Variants in BRD1 observed in about 807,000 individuals in gnomAD.
BRD1 encodes bromodomain containing 1.
Under a neutral mutation model 107.7 loss-of-function variants are expected in BRD1, and 24 were observed. The observed-to-expected ratio is 0.22, with a 90% CI of 0.16 to 0.31. The LOEUF (loss-of-function observed/expected upper bound fraction) is 0.31. Among genes scored for constraint, BRD1 ranks in the 10% least tolerant of loss-of-function variants. The pLI is 1.00. For synonymous variants in BRD1, 744 were observed against 686.1 expected (o/e 1.08, Z -1.32); for missense variants, 1,279 against 1,638.6 (o/e 0.78, Z 3.79).
At chr22:49,814,219 G>A (rs1025778453) in intron 2 of BRD1, among the ~76,000 whole-genome samples, 2 of 152,214 alleles carry the variant, frequency 1.3e-5, no homozygotes, top group African/African-American at 4.8e-5. Context: ...CACTAAAAAT[G>A]AAAAGATACA....
intron 6 of BRD1, among the ~76,000 whole-genome samples, chr22:49,797,224 G>A (rs560695519): frequency 6.6e-6 from 1 of 152,360 alleles, no homozygotes; most frequent in South Asian, 2.1e-4. Context: ...AGAAGCACAA[G>A]CCCAGGCTGG....
At position 49,787,474 on chromosome 22, in the gene BRD1, G is replaced by C. The variant is rs1441542243; in HGVS notation, c.2773C>G (p.Leu925Val). ...CGCGACCTTTTCCTTGGCTGCAGAA[G>C]AGTCTCCAACCTCGGAAGGACTACA... Reference protein sequence around the residue: ...LSVVLPRLETLLQPRKRSRST... With the variant: ...LSVVLPRLETVLQPRKRSRST... Residue 925 changes from leucine to valine, a missense_variant, in exon 8 of 13, where the codon CTT becomes GTT. Coordinates refer to ENST00000404760, the MANE Select transcript of BRD1 (RefSeq NM_001304808.3). The C allele has an allele frequency of 6.2e-7, 1 of 1,614,244 alleles. No individual in the cohort carries two copies. Among genetic ancestry groups the C allele is most frequent in the South Asian group, 1.1e-5 (1 of 91,090 alleles).
At chr22:49,814,475 G>C (rs1263538994) in intron 2 of BRD1, among the ~76,000 whole-genome samples, 1 of 152,192 alleles carries the variant, frequency 6.6e-6, no homozygotes, top group Admixed American at 6.5e-5. Flanking sequence ...CCATCGCCAG[G>C]GGACACCTGC....
intron 8 of BRD1, among the ~76,000 whole-genome samples, chr22:49,778,629 G>A (rs2059146377): frequency 6.6e-6 from 1 of 152,216 alleles, no homozygotes; most frequent in African/African-American, 2.4e-5. Context: ...CCTGCTGGGG[G>A]CCCTCTGGGT....
chr22:49,784,464 G>A (rs141662278), intron 8 of BRD1, among the ~76,000 whole-genome samples: 168 of 152,382 alleles, frequency 1.1e-3, no homozygotes, highest in Non-Finnish European at 2.1e-3. Context: ...GTCAGGGCCA[G>A]ACTCTGGGGC....
In BRD1 at chr22:49,797,848, C is replaced by G; in HGVS notation, c.2055G>C (p.Glu685Asp). Reference protein sequence around the residue: ...LEEASGMHLPERPAAAPRRPF... With the variant: ...LEEASGMHLPDRPAAAPRRPF... Reference sequence around the variant, plus strand: ...GCCGCCGCGGTGCCGCAGCAGGCCGCTCAGGCAGGTGCATCCCCGAGGCCT... The same window carrying G: ...GCCGCCGCGGTGCCGCAGCAGGCCGGTCAGGCAGGTGCATCCCCGAGGCCT... The change falls in exon 6 of 13, where the codon GAG becomes GAC. Residue 685 changes from glutamate to aspartate, a missense_variant. By Grantham distance (45) the Glu-to-Asp change is conservative. Transcript: ENST00000404760. 1 of 1,611,166 alleles carries G rather than the reference C, an allele frequency of 6.2e-7. No homozygotes were observed. The highest frequency in any genetic ancestry group is 8.5e-7 in the Non-Finnish European group (1 of 1,178,986).
chr22:49,821,111 G>A, intron 2 of BRD1: 1 of 152,592 alleles, frequency 6.6e-6, no homozygotes, highest in Non-Finnish European at 1.5e-5. Flanking sequence ...GGCCACTTCA[G>A]CCCCCATGTC....
intron 6 of BRD1, among the ~76,000 whole-genome samples, chr22:49,796,775 C>T (rs978562069): frequency 3.9e-5 from 6 of 152,186 alleles, no homozygotes; most frequent in African/African-American, 1.4e-4. Context: ...GAACAGAGGG[C>T]GAAGCAACGA....
chr22:49,785,609 C>G (rs1402099748), intron 8 of BRD1, among the ~76,000 whole-genome samples: 2 of 152,238 alleles, frequency 1.3e-5, no homozygotes, highest in Admixed American at 1.3e-4. Flanking sequence ...TCAAGGACAT[C>G]TATTCTTATT....
intron 2 of BRD1, among the ~76,000 whole-genome samples, chr22:49,813,920 C>A (rs565304044): frequency 6.6e-6 from 1 of 151,962 alleles, no homozygotes; most frequent in Non-Finnish European, 1.5e-5. Context: ...TCAAGCAGAC[C>A]CAGCATGCAC....
chr22:49,815,983 C>A (rs886072255), intron 2 of BRD1, among the ~76,000 whole-genome samples: 9 of 152,010 alleles, frequency 5.9e-5, no homozygotes, highest in Non-Finnish European at 1.3e-4. Context: ...AACTCATGCA[C>A]CCACACTGCC....
At chr22:49,781,981 C>T (rs2059218266) in intron 8 of BRD1, among the ~76,000 whole-genome samples, 2 of 149,280 alleles carry the variant, frequency 1.3e-5, no homozygotes, top group South Asian at 4.2e-4. Context: ...CGAGACAGAC[C>T]CAAGGCCCAG....
At chr22:49,778,975 A>C (rs1294051206) in intron 8 of BRD1, among the ~76,000 whole-genome samples, 1 of 152,110 alleles carries the variant, frequency 6.6e-6, no homozygotes, top group Admixed American at 6.6e-5. Flanking sequence ...GAATTTTTTT[A>C]TCCAAAAAGA....
chr22:49,795,081 T>C (rs1209258358), intron 6 of BRD1, among the ~76,000 whole-genome samples: 1 of 152,204 alleles, frequency 6.6e-6, no homozygotes, highest in African/African-American at 2.4e-5. Flanking sequence ...TGAAAGCATC[T>C]GTCTCTTTGG....
At chr22:49,798,407 T>C in intron 5 of BRD1, 151 bp downstream of exon 5, 1 of 1,362,090 alleles carries the variant, frequency 7.3e-7, no homozygotes, top group Non-Finnish European at 1.0e-6. Flanking sequence ...AATGTATCAC[T>C]TTTATAATTT....
chr22:49,777,262 T>C, intron 9 of BRD1, 101 bp from the exon 10 acceptor site: 1 of 1,549,230 alleles, frequency 6.5e-7, no homozygotes, highest in Non-Finnish European at 8.7e-7. Flanking sequence ...TGGCCACGCA[T>C]CCTGCCTGAC....
Position 49,823,074 on chromosome 22 carries a change from C to T in BRD1, c.1244G>A (p.Ser415Asn). ...EMKNGVCRKE[S>N]SVKTVRSTSK... ...TGTGGACCTGACCGTTTTAACCGAGCTCTCTTTTCGACAGACGCCATTTTT... is the reference window on the plus strand; with the variant it reads ...TGTGGACCTGACCGTTTTAACCGAGTTCTCTTTTCGACAGACGCCATTTTT... Residue 415 changes from serine to asparagine, a missense_variant, in exon 2 of 13, where the codon AGC becomes AAC. By Grantham distance (46) the Ser-to-Asn change is conservative. Coordinates refer to ENST00000404760, the MANE Select transcript of BRD1 (RefSeq NM_001304808.3). 2 of 1,614,246 alleles carry T rather than the reference C, an allele frequency of 1.2e-6. No individual in the cohort carries two copies. The highest frequency in any genetic ancestry group is 1.7e-6 in the Non-Finnish European group (2 of 1,180,048).
At chr22:49,812,893 G>T (rs372347669) in intron 2 of BRD1, among the ~76,000 whole-genome samples, 109 of 152,248 alleles carry the variant, frequency 7.2e-4, no homozygotes, top group African/African-American at 2.5e-3. Flanking sequence ...ACGCACCAAG[G>T]ACCTCACACG....
chr22:49,786,901 G>A (rs1056357258), intron 8 of BRD1, among the ~76,000 whole-genome samples: 9 of 149,084 alleles, frequency 6.0e-5, no homozygotes, highest in Admixed American at 3.3e-4. Flanking sequence ...AAGACCAGCC[G>A]GGACAACACA....
Sources: gnomAD v4.1 joint callset for allele counts (sites outside exome capture counted in the v4.1 genomes callset) on GRCh38, gnomAD v4.1.1 for gene constraint, MANE v1.5 for transcripts, NCBI Gene and HGNC (gene_info 2026-07-23, HGNC 2026-07-21) for gene names.